Variants in MDGA2 observed in about 807,000 individuals in gnomAD.
The protein encoded by MDGA2 is MAM domain-containing glycosylphosphatidylinositol anchor protein 2.
In MDGA2, 40 loss-of-function variants were observed where a neutral mutation model predicts 117.8. The observed-to-expected ratio is 0.34, with a 90% CI of 0.26 to 0.44. MDGA2 has a LOEUF of 0.44. MDGA2 is among the 20% of genes least tolerant of loss of function. The probability of loss-of-function intolerance (pLI) is 1.00; values close to 1 mark genes in which losing one functional copy is unlikely to be tolerated. For missense variants in MDGA2, 1,123 were observed against 1,250.6 expected (o/e 0.90, Z 1.54); for synonymous variants, 452 against 439.0 (o/e 1.03, Z -0.37).
intron 1 of MDGA2, among the ~76,000 whole-genome samples, chr14:47,478,673 G>A (rs1342439587): frequency 6.6e-6 from 1 of 152,110 alleles, no homozygotes; most frequent in East Asian, 1.9e-4. Context: ...ACTGCACCTG[G>A]TTGCAAACAT....
Position 47,313,932 on chromosome 14 carries a change from A to G in MDGA2, c.281-12382T>C, listed in dbSNP as rs141622323. Among the ~76,000 whole-genome samples, 30 of 152,306 alleles carry G rather than the reference A, an allele frequency of 2.0e-4. No individual in the cohort carries two copies. The East Asian group carries it at 5.2e-3, about 26-fold the overall frequency. On this transcript the variant is annotated intron_variant, in intron 1 of 16. Coordinates refer to ENST00000399232, the MANE Select transcript of MDGA2 (RefSeq NM_001113498.3). ...AGATACATATACAAGTATGCCCACC[A>G]TAATATTTATATTGGGAGAAACTGT...
chr14:47,456,979 A>G (rs898550814), intron 1 of MDGA2, among the ~76,000 whole-genome samples: 4 of 152,168 alleles, frequency 2.6e-5, no homozygotes, highest in Non-Finnish European at 5.9e-5. Context: ...CAGTATAATA[A>G]GATCTTTAGA....
intron 1 of MDGA2, among the ~76,000 whole-genome samples, chr14:47,302,595 G>A (rs1361198415): frequency 6.6e-6 from 1 of 151,986 alleles, no homozygotes; most frequent in African/African-American, 2.4e-5. Flanking sequence ...GCCAGTGCCA[G>A]CATATTAGGA....
chr14:47,537,317 G>C (rs1482990035), intron 1 of MDGA2, among the ~76,000 whole-genome samples: 4 of 110,420 alleles, frequency 3.6e-5, no homozygotes, highest in Non-Finnish European at 5.3e-5. Context: ...CGGGTGGGGG[G>C]AGGGGGGAGG....
intron 1 of MDGA2, among the ~76,000 whole-genome samples, chr14:47,329,747 T>C (rs1332734387): frequency 6.6e-6 from 1 of 151,996 alleles, no homozygotes; most frequent in Non-Finnish European, 1.5e-5. Context: ...ATATATACAA[T>C]TTGACACGAA....
chr14:47,064,948 AG>A (rs1166213627), intron 6 of MDGA2, among the ~76,000 whole-genome samples: 1 of 152,126 alleles, frequency 6.6e-6, no homozygotes, highest in Non-Finnish European at 1.5e-5. Flanking sequence ...GAGACTCTAT[AG>A]AACTAAACAA....
intron 2 of MDGA2, among the ~76,000 whole-genome samples, chr14:47,287,997 C>T (rs911642660): frequency 1.3e-5 from 2 of 152,162 alleles, no homozygotes; most frequent in African/African-American, 4.8e-5. Flanking sequence ...TACCCAGAAT[C>T]TCAGAGGGAT....
At chr14:47,198,997 C>A (rs1885392866) in intron 3 of MDGA2, among the ~76,000 whole-genome samples, 1 of 152,068 alleles carries the variant, frequency 6.6e-6, no homozygotes, top group African/African-American at 2.4e-5. Flanking sequence ...AGAAGGAATT[C>A]TCTCCAAGAT....
At chr14:47,412,168 A>G (rs1348148292) in intron 1 of MDGA2, among the ~76,000 whole-genome samples, 1 of 152,212 alleles carries the variant, frequency 6.6e-6, no homozygotes, top group East Asian at 1.9e-4. Flanking sequence ...AAAGGAGAAG[A>G]ATGAATAATG....
chr14:47,000,400 A>ATATTTATATATAAAT (rs1555342235), intron 8 of MDGA2, among the ~76,000 whole-genome samples: 67 of 115,602 alleles, frequency 5.8e-4, no homozygotes, highest in Non-Finnish European at 9.8e-4. Context: ...TTTATATATA[A>ATATTTATATATAAAT]ATATATATTT....
chr14:47,486,443 T>TAAGAC (rs1894063286), intron 1 of MDGA2, among the ~76,000 whole-genome samples: 1 of 152,200 alleles, frequency 6.6e-6, no homozygotes, highest in South Asian at 2.1e-4. Context: ...TTCTCTTGGA[T>TAAGAC]AAGACTTTGG....
chr14:47,292,023 C>T (rs1464971033), intron 2 of MDGA2, among the ~76,000 whole-genome samples: 2 of 152,198 alleles, frequency 1.3e-5, no homozygotes, highest in Admixed American at 1.3e-4. Context: ...TAGCTGCATA[C>T]CAGCTAGTGC....
Position 47,456,459 on chromosome 14 carries a change from ATTT to A in MDGA2, c.281-154912_281-154910del, listed in dbSNP as rs376862684. Among the ~76,000 whole-genome samples, 163 of 144,390 alleles carry A rather than the reference ATTT, an allele frequency of 1.1e-3. 1 individual carries two copies. Among genetic ancestry groups the A allele is most frequent in the African/African-American group, 1.1e-3 (43 of 39,114 alleles). The allele number at this position is 144,390 out of a possible 152,430, so 94.7% of individuals were successfully genotyped here. A position where few individuals can be genotyped will look rare whatever the true frequency, so the allele number is the denominator to read the frequency against. ...AGGCATGCACCACCACGCCTGGCTA[ATTT>A]TTTTTTTTTTTTTAGTAGAGACTAG... On this transcript the variant is annotated intron_variant, in intron 1 of 16. Coordinates refer to ENST00000399232, the MANE Select transcript of MDGA2 (RefSeq NM_001113498.3).
intron 1 of MDGA2, among the ~76,000 whole-genome samples, chr14:47,583,057 C>T (rs1720889396): frequency 6.6e-6 from 1 of 151,836 alleles, no homozygotes. Context: ...ATTCATAACT[C>T]ATTAATTCAA....
intron 1 of MDGA2, among the ~76,000 whole-genome samples, chr14:47,418,696 G>C (rs1399375934): frequency 6.6e-6 from 1 of 152,120 alleles, no homozygotes; most frequent in East Asian, 1.9e-4. Flanking sequence ...GTTTTAATGA[G>C]AATGACATAT....
intron 3 of MDGA2, among the ~76,000 whole-genome samples, chr14:47,150,355 G>T (rs1039547402): frequency 6.6e-6 from 1 of 152,152 alleles, no homozygotes; most frequent in South Asian, 2.1e-4. Context: ...ACCTTTGACT[G>T]CAGAAGATAA....
intron 1 of MDGA2, among the ~76,000 whole-genome samples, chr14:47,440,763 G>T (rs1892991691): frequency 2.0e-5 from 3 of 151,926 alleles, no homozygotes; most frequent in Admixed American, 6.6e-5. Context: ...TCACTCTAGG[G>T]GTGCCCTTTG....
intron 8 of MDGA2, among the ~76,000 whole-genome samples, chr14:46,998,356 G>A (rs1887377058): frequency 6.6e-6 from 1 of 152,130 alleles, no homozygotes; most frequent in Non-Finnish European, 1.5e-5. Context: ...TGTAAGAAGG[G>A]TGGAGCTAAT....
intron 9 of MDGA2, among the ~76,000 whole-genome samples, chr14:46,944,497 C>T (rs981135855): frequency 1.8e-4 from 28 of 151,782 alleles, no homozygotes; most frequent in Non-Finnish European, 3.7e-4. Flanking sequence ...TGTGGGTTTG[C>T]TTCGTAAATT....
Sources: allele counts gnomAD v4.1 joint callset (sites outside exome capture counted in the v4.1 genomes callset), GRCh38; gene constraint gnomAD v4.1.1; transcripts MANE v1.5; gene names NCBI Gene and HGNC (gene_info 2026-07-23, HGNC 2026-07-21).